Variants in LPP observed in about 807,000 individuals in gnomAD.
LPP encodes LIM domain containing preferred translocation partner in lipoma.
In LPP, 38 loss-of-function variants were observed where a neutral mutation model predicts 60.4. That is an observed-to-expected ratio of 0.63 (90% CI 0.49 to 0.83). The LOEUF (loss-of-function observed/expected upper bound fraction) is 0.83. Among genes scored for constraint, LPP ranks in the 40% least tolerant of loss-of-function variants. The pLI is 0.00. For synonymous variants in LPP, 328 were observed against 290.8 expected (o/e 1.13, Z -1.30); for missense variants, 902 against 783.6 (o/e 1.15, Z -1.80).
chr3:188,782,170 A>G (rs1330863517), intron 9 of LPP, among the ~76,000 whole-genome samples: 1 of 152,202 alleles, frequency 6.6e-6, no homozygotes, highest in Non-Finnish European at 1.5e-5. Flanking sequence ...ATACCAGTTA[A>G]TACTTTTTTC....
chr3:188,470,743 C>T (rs923641168), intron 4 of LPP, among the ~76,000 whole-genome samples: 3 of 152,052 alleles, frequency 2.0e-5, no homozygotes, highest in Non-Finnish European at 2.9e-5. Flanking sequence ...AAACTCTTAA[C>T]GGAGACAGAG....
chr3:188,519,846 A>G (rs1818386964), intron 5 of LPP, among the ~76,000 whole-genome samples: 1 of 152,206 alleles, frequency 6.6e-6, no homozygotes. Flanking sequence ...TTTTGGATAT[A>G]AAGAATGAAA....
Position 188,406,403 on chromosome 3 carries a change from G to A in LPP, c.193+90G>A, listed in dbSNP as rs77940720. 5.1e-4 allele frequency: 640 copies of A among 1,257,186 alleles called. 5 individuals are homozygous for A. The African/African-American group carries it at 8.4e-3, about 16-fold the overall frequency. 77.9% of individuals were successfully genotyped at this position (1,257,186 alleles called of 1,614,324 possible). ...TAGTACAAAGTTGTGTCAGAAAAAC[G>A]TAGTTTGTGAATTCACAGCGTGGGT... On this transcript the variant is annotated intron_variant, in intron 4 of 11. Coordinates refer to ENST00000617246, the MANE Select transcript of LPP (RefSeq NM_001375462.1).
intron 6 of LPP, among the ~76,000 whole-genome samples, chr3:188,593,153 GGTGTGTGT>G (rs10678737): frequency 1.6e-4 from 24 of 148,510 alleles, no homozygotes; most frequent in South Asian, 8.7e-4. Flanking sequence ...TCTGATGCCT[GGTGTGTGT>G]GTGTGTGTGT....
chr3:188,206,958 CGTT>C (rs1382343136), intron 1 of LPP, among the ~76,000 whole-genome samples: 1 of 152,088 alleles, frequency 6.6e-6, no homozygotes, highest in Non-Finnish European at 1.5e-5. Context: ...TCATTGTTAT[CGTT>C]GTTATGATTT....
chr3:188,505,099 C>T (rs1344786800), intron 5 of LPP, among the ~76,000 whole-genome samples: 3 of 152,138 alleles, frequency 2.0e-5, no homozygotes, highest in Admixed American at 6.5e-5. Context: ...TTAACCACAA[C>T]TTACCATCTA....
At chr3:188,687,388 C>T (rs894490837) in intron 7 of LPP, among the ~76,000 whole-genome samples, 38 of 152,136 alleles carry the variant, frequency 2.5e-4, no homozygotes, top group African/African-American at 8.9e-4. Context: ...AATTGTGATC[C>T]CCACATGTCA....
chr3:188,598,837 T>C (rs1409614806), intron 6 of LPP, among the ~76,000 whole-genome samples: 1 of 152,182 alleles, frequency 6.6e-6, no homozygotes, highest in Non-Finnish European at 1.5e-5. Flanking sequence ...TTTTCAGTGC[T>C]ACCAGTCATA....
In LPP at chr3:188,379,285, T is replaced by C. The variant is rs115325720; in HGVS notation, c.-9-26827T>C. The stretch of plus-strand genomic sequence containing the variant: ...TATTAACCAGAGATACAAATGACAT[T>C]CTGAGGGGGCTTGGTGGAAGTAGTT... On this transcript the variant is annotated intron_variant, in intron 3 of 11. Coordinates refer to ENST00000617246, the MANE Select transcript of LPP (RefSeq NM_001375462.1). Among the ~76,000 whole-genome samples, 607 of 152,184 alleles carry C rather than the reference T, an allele frequency of 4.0e-3. 10 individuals carry two copies. The highest frequency in any genetic ancestry group is 0.014 in the African/African-American group (591 of 41,524).
At chr3:188,754,167 A>G (rs1729367984) in intron 8 of LPP, among the ~76,000 whole-genome samples, 1 of 152,190 alleles carries the variant, frequency 6.6e-6, no homozygotes, top group African/African-American at 2.4e-5. Flanking sequence ...CATATGATAA[A>G]TTCATCGGCA....
chr3:188,787,869 C>A (rs779811263), intron 9 of LPP, among the ~76,000 whole-genome samples: 2 of 152,208 alleles, frequency 1.3e-5, no homozygotes, highest in Non-Finnish European at 2.9e-5. Flanking sequence ...CCAAAATCTG[C>A]AGCTGGATCT....
chr3:188,365,964 A>G (rs905601879), intron 3 of LPP, among the ~76,000 whole-genome samples: 3 of 152,190 alleles, frequency 2.0e-5, no homozygotes, highest in Non-Finnish European at 4.4e-5. Flanking sequence ...TATTAACTAC[A>G]GCCACCGCAC....
At chr3:188,733,475 C>G (rs918522737) in intron 8 of LPP, among the ~76,000 whole-genome samples, 3 of 152,078 alleles carry the variant, frequency 2.0e-5, no homozygotes, top group Admixed American at 2.0e-4. Context: ...AAAAATTAAG[C>G]CCCCCTTCTC....
At chr3:188,861,849 T>C (rs991402813) in intron 9 of LPP, among the ~76,000 whole-genome samples, 1 of 151,170 alleles carries the variant, frequency 6.6e-6, no homozygotes, top group Non-Finnish European at 1.5e-5. Flanking sequence ...ATTTATAAGC[T>C]GTGACTTTTA....
chr3:188,650,973 G>A (rs1851959396), intron 7 of LPP, among the ~76,000 whole-genome samples: 1 of 151,994 alleles, frequency 6.6e-6, no homozygotes, highest in South Asian at 2.1e-4. Context: ...GAAAAGGCTT[G>A]ACCCTCTATA....
chr3:188,266,644 T>G (rs906861808), intron 2 of LPP, among the ~76,000 whole-genome samples: 1 of 152,158 alleles, frequency 6.6e-6, no homozygotes, highest in African/African-American at 2.4e-5. Flanking sequence ...GAGAGATTTC[T>G]TTGTGTTTAT....
At chr3:188,648,202 G>A (rs1456210710) in intron 7 of LPP, among the ~76,000 whole-genome samples, 1 of 152,056 alleles carries the variant, frequency 6.6e-6, no homozygotes, top group East Asian at 1.9e-4. Context: ...CTTTCACTAA[G>A]TATTACTTAG....
chr3:188,495,600 A>G (rs1466384846), intron 5 of LPP, among the ~76,000 whole-genome samples: 1 of 152,208 alleles, frequency 6.6e-6, no homozygotes, highest in Admixed American at 6.5e-5. Context: ...AGTAACCATG[A>G]ACCTCCGAGG....
At chr3:188,266,914 A>AGAT (rs1735783066) in intron 2 of LPP, among the ~76,000 whole-genome samples, 1 of 152,208 alleles carries the variant, frequency 6.6e-6, no homozygotes, top group African/African-American at 2.4e-5. Context: ...CCTATCTGGC[A>AGAT]GATAGAAAGA....
Sources: gnomAD v4.1 joint callset for allele counts (sites outside exome capture counted in the v4.1 genomes callset) on GRCh38, gnomAD v4.1.1 for gene constraint, MANE v1.5 for transcripts, NCBI Gene and HGNC (gene_info 2026-07-23, HGNC 2026-07-21) for gene names.